The following SPOCK3 variants were observed in gnomAD, a reference collection of about 807,000 sequenced individuals.
SPOCK3 encodes SPARC (osteonectin), cwcv and kazal like domains proteoglycan 3.
Under a neutral mutation model 56.6 loss-of-function variants are expected in SPOCK3, and 30 were observed. That is an observed-to-expected ratio of 0.53 (90% CI 0.40 to 0.72). SPOCK3 has a LOEUF of 0.72. SPOCK3 is among the 30% of genes least tolerant of loss of function. SPOCK3 has a pLI of 0.00. For synonymous variants in SPOCK3, 196 were observed against 183.3 expected (o/e 1.07, Z -0.56); for missense variants, 527 against 530.0 (o/e 0.99, Z 0.06).
At chr4:167,099,997 G>C (rs1561214131) in intron 2 of SPOCK3, among the ~76,000 whole-genome samples, 3 of 151,962 alleles carry the variant, frequency 2.0e-5, no homozygotes, top group Admixed American at 1.3e-4. Context: ...ACATCACTTA[G>C]GCTTCACTTT....
intron 3 of SPOCK3, among the ~76,000 whole-genome samples, chr4:167,005,781 T>G (rs1243383119): frequency 2.6e-5 from 4 of 152,252 alleles, no homozygotes; most frequent in Non-Finnish European, 5.9e-5. Context: ...TGTCGGGGAC[T>G]TGCAAATACT....
At chr4:167,047,148 GAA>G (rs1483169973) in intron 3 of SPOCK3, among the ~76,000 whole-genome samples, 3 of 152,300 alleles carry the variant, frequency 2.0e-5, no homozygotes, top group African/African-American at 7.2e-5. Context: ...ATTTAAAAGA[GAA>G]TGCATTTACA....
At chr4:166,888,824 G>T (rs1217954076) in intron 6 of SPOCK3, among the ~76,000 whole-genome samples, 1 of 129,438 alleles carries the variant, frequency 7.7e-6, no homozygotes. Context: ...AGAAAAAAAT[G>T]ATATAAAACA....
chr4:166,836,074 T>C (rs546336779), intron 6 of SPOCK3, among the ~76,000 whole-genome samples: 21 of 152,302 alleles, frequency 1.4e-4, no homozygotes, highest in African/African-American at 5.1e-4. Context: ...AAAAAGTGTA[T>C]TGTTATGTTA....
At chr4:167,074,625 G>T (rs1037178002) in intron 2 of SPOCK3, among the ~76,000 whole-genome samples, 3 of 151,900 alleles carry the variant, frequency 2.0e-5, no homozygotes, top group South Asian at 2.1e-4. Context: ...ACATCCTATC[G>T]CTATAGCATT....
chr4:166,841,846 G>C (rs1273181892), intron 6 of SPOCK3, among the ~76,000 whole-genome samples: 1 of 152,146 alleles, frequency 6.6e-6, no homozygotes, highest in Non-Finnish European at 1.5e-5. Flanking sequence ...AAAATCGTTG[G>C]GTTCTTGGTT....
intron 2 of SPOCK3, chr4:167,083,292 T>C (rs1757888674): frequency 1.3e-6 from 1 of 764,918 alleles, no homozygotes; most frequent in Admixed American, 1.7e-5. Flanking sequence ...AAATCCTGTG[T>C]CAGGTTGTCA....
chr4:166,911,859 C>T (rs1320659727), intron 5 of SPOCK3, among the ~76,000 whole-genome samples: 3 of 152,016 alleles, frequency 2.0e-5, no homozygotes, highest in Non-Finnish European at 4.4e-5. Flanking sequence ...ATAGGGTAAG[C>T]TCCTTCTAGG....
chr4:166,815,853 C>G (rs1744332496), intron 6 of SPOCK3, among the ~76,000 whole-genome samples: 1 of 152,040 alleles, frequency 6.6e-6, no homozygotes. Context: ...GGCATTATCA[C>G]TGTTTTAAAG....
At chr4:167,167,157 A>G (rs952775695) in intron 2 of SPOCK3, among the ~76,000 whole-genome samples, 1 of 152,132 alleles carries the variant, frequency 6.6e-6, no homozygotes, top group Non-Finnish European at 1.5e-5. Flanking sequence ...CTTTCTTAAG[A>G]ATGATGCATT....
chr4:167,063,564 C>A (rs776872775), intron 2 of SPOCK3, among the ~76,000 whole-genome samples: 3 of 151,794 alleles, frequency 2.0e-5, no homozygotes, highest in Non-Finnish European at 4.4e-5. Flanking sequence ...GGTATAAATG[C>A]GGTTTTGCTA....
At chr4:167,052,666 A>G (rs576094021) in intron 3 of SPOCK3, among the ~76,000 whole-genome samples, 8 of 152,310 alleles carry the variant, frequency 5.3e-5, no homozygotes, top group Admixed American at 1.3e-4. Flanking sequence ...AAGCTCTTAA[A>G]CAAAGCAGCA....
At chr4:166,746,606 C>A (rs1380273233) in intron 8 of SPOCK3, among the ~76,000 whole-genome samples, 1 of 152,066 alleles carries the variant, frequency 6.6e-6, no homozygotes, top group Non-Finnish European at 1.5e-5. Flanking sequence ...CATTCAAAAG[C>A]TAGCAGAAGG....
intron 2 of SPOCK3, among the ~76,000 whole-genome samples, chr4:167,104,185 T>C (rs1759896820): frequency 6.6e-6 from 1 of 151,874 alleles, no homozygotes; most frequent in African/African-American, 2.4e-5. Flanking sequence ...CCAACAAACG[T>C]CAACAGCCAT....
intron 2 of SPOCK3, among the ~76,000 whole-genome samples, chr4:167,154,199 CAT>C (rs1262017156): frequency 2.0e-5 from 3 of 152,068 alleles, no homozygotes; most frequent in African/African-American, 7.2e-5. Flanking sequence ...GTCACACACA[CAT>C]ACACACACAT....
intron 2 of SPOCK3, among the ~76,000 whole-genome samples, chr4:167,123,465 T>C (rs183365383): frequency 1.2e-4 from 19 of 152,262 alleles, no homozygotes; most frequent in Middle Eastern, 6.8e-3. Context: ...CTGGTAGTTG[T>C]GCTAAGGTTA....
At chr4:166,774,640 A>G (rs1319558335) in intron 7 of SPOCK3, among the ~76,000 whole-genome samples, 4 of 152,182 alleles carry the variant, frequency 2.6e-5, no homozygotes, top group East Asian at 1.9e-4. Context: ...TTCCTTTGAC[A>G]ACAAATAAGT....
chr4:166,767,077 C>A (rs1030401040), intron 7 of SPOCK3, among the ~76,000 whole-genome samples: 3 of 152,128 alleles, frequency 2.0e-5, no homozygotes, highest in Admixed American at 6.5e-5. Flanking sequence ...ATTCTTCTCT[C>A]TTTTCTTCTT....
chr4:166,869,378 A>G (rs1732211823), intron 6 of SPOCK3, among the ~76,000 whole-genome samples: 1 of 152,122 alleles, frequency 6.6e-6, no homozygotes. Flanking sequence ...CAGAGCTCCA[A>G]ACTAAACCCT....
Sources: allele counts gnomAD v4.1 joint callset (sites outside exome capture counted in the v4.1 genomes callset), GRCh38; gene constraint gnomAD v4.1.1; transcripts MANE v1.5; gene names NCBI Gene and HGNC (gene_info 2026-07-23, HGNC 2026-07-21).